TMEM161A: variants seen among roughly 807,000 people sequenced by gnomAD.
TMEM161A encodes adaptive response to oxidative stress protein 29.
In TMEM161A, 46 loss-of-function variants were observed where a neutral mutation model predicts 57.1. That is an observed-to-expected ratio of 0.81 (90% CI 0.64 to 1.03). The LOEUF (loss-of-function observed/expected upper bound fraction) is 1.03, where lower values mean the gene tolerates loss of function less well. Among genes scored for constraint, TMEM161A ranks in the 50% least tolerant of loss-of-function variants. TMEM161A has a pLI of 0.00. For synonymous variants in TMEM161A, 288 were observed against 279.0 expected, an observed-to-expected ratio of 1.03 and a Z score of -0.32; for missense variants, 601 against 621.5, an observed-to-expected ratio of 0.97 and a Z score of 0.35.
chr19:19,120,005 G>C lies in TMEM161A; in HGVS notation c.1365C>G (p.Ile455Met), dbSNP rs774354663. The C allele has an allele frequency of 1.1e-5, 18 of 1,593,348 alleles. No individual in the cohort carries two copies. The Admixed American group carries it at 1.9e-4, about 17-fold the overall frequency. Reference protein sequence around the residue: ...LFLRGVLAYLIWWTAACQLLA... With the variant: ...LFLRGVLAYLMWWTAACQLLA... ...GCAGCTGGCAGGCAGCCGTCCACCA[G>C]ATGAGGTAGGCCAGGACGCCACGGA... is the stretch of plus-strand genomic sequence containing the variant. The change falls in exon 12 of 12, where the codon ATC becomes ATG. Residue 455 changes from isoleucine to methionine, a missense_variant. Transcript: ENST00000162044.
intron 2 of TMEM161A, 59 bp from the exon 3 acceptor site, chr19:19,133,269 G>A: frequency 6.6e-7 from 1 of 1,508,426 alleles, no homozygotes; most frequent in African/African-American, 1.4e-5. Context: ...GGTTGAGGCA[G>A]TGAACCCCAA....
In TMEM161A at chr19:19,132,890, GGA is replaced by G. The variant is rs2059965616; in HGVS notation, c.189-138_189-137del. On this transcript the variant is annotated intron_variant, in intron 3 of 11. Transcript: ENST00000162044. This position sits in a 1 kb window ranked among gnomAD's most constrained non-coding sequence, Gnocchi z 4.3. ...GGCTCCTCTGCACACTGGGATATGG[GGA>G]TCCCCCCACCCACCCACAGGACTGG... 2.5e-6 allele frequency: 2 copies of G among 789,272 alleles called. No homozygotes were observed. Among genetic ancestry groups the G allele is most frequent in the South Asian group, 3.8e-5 (2 of 52,374 alleles). The allele number at this position is 789,272 out of a possible 1,614,324, so 48.9% of individuals were successfully genotyped here. A position where few individuals can be genotyped will look rare whatever the true frequency, so the allele number is the denominator to read the frequency against.
chr19:19,133,582 C>T (rs2059970183), intron 2 of TMEM161A, among the ~76,000 whole-genome samples: 1 of 152,172 alleles, frequency 6.6e-6, no homozygotes, highest in Admixed American at 6.5e-5. Flanking sequence ...AGTGATTCTC[C>T]TGCCTCAGCC....
chr19:19,120,613 G>C (rs554893305), intron 11 of TMEM161A, 152 bp downstream of exon 11: 2 of 705,210 alleles, frequency 2.8e-6, no homozygotes, highest in Non-Finnish European at 4.7e-6. Context: ...TCCAGGCTCC[G>C]CTTCCTGCTC....
At chr19:19,131,491 CACAT>C (rs917212542) in intron 5 of TMEM161A, among the ~76,000 whole-genome samples, 2 of 104,450 alleles carry the variant, frequency 1.9e-5, no homozygotes, top group African/African-American at 7.5e-5. Context: ...TACACACACA[CACAT>C]ATATATATAT....
chr19:19,130,268 G>C lies in TMEM161A; in HGVS notation c.483C>G (p.Ala161=). Residue 161 remains alanine (A), a synonymous_variant, in exon 6 of 12, where the codon GCC becomes GCG. Coordinates refer to ENST00000162044, the MANE Select transcript of TMEM161A (RefSeq NM_017814.3). ...FLTVTRLYFS[A]EEGGERSVCL... The stretch of plus-strand genomic sequence containing the variant: ...AGACAGAGCGCTCACCCCCCTCCTC[G>C]GCGCTGAAGTACAGCCGTGTCACTG... The C allele has an allele frequency of 6.2e-7, 1 of 1,613,710 alleles. No individual in the cohort carries two copies. The highest frequency in any genetic ancestry group is 8.5e-7 in the Non-Finnish European group (1 of 1,180,022).
At chr19:19,133,369 G>A (rs917814974) in intron 2 of TMEM161A, 159 bp from the exon 3 acceptor site, 3 of 648,142 alleles carry the variant, frequency 4.6e-6, no homozygotes, top group Non-Finnish European at 2.7e-6. Flanking sequence ...TGGGGAAATC[G>A]TGAGACCAAC....
At chr19:19,137,478 AG>A in intron 1 of TMEM161A, among the ~76,000 whole-genome samples, 1 of 152,208 alleles carries the variant, frequency 6.6e-6, no homozygotes, top group African/African-American at 2.4e-5. Context: ...GACATCTGCA[AG>A]AATTTTCTGG....
chr19:19,138,445 C>G lies in TMEM161A; in HGVS notation c.-17G>C. 3 of 1,600,732 alleles carry G rather than the reference C, an allele frequency of 1.9e-6. No individual in the cohort carries two copies. Among genetic ancestry groups the G allele is most frequent in the Non-Finnish European group, 2.6e-6 (3 of 1,173,954 alleles). ...GCTCACCATGACGCGTGCGAGAACGCGGTGCACTCACCCACCGGCCTAGGG... is the reference window on the plus strand; with the variant it reads ...GCTCACCATGACGCGTGCGAGAACGGGGTGCACTCACCCACCGGCCTAGGG... On this transcript the variant is annotated 5_prime_UTR_variant, in exon 1 of 12. Transcript: ENST00000162044.
Position 19,121,360 on chromosome 19 carries a change from T to C in TMEM161A, c.862A>G (p.Ile288Val), listed in dbSNP as rs533855724. 2 of 1,603,408 alleles carry C rather than the reference T, an allele frequency of 1.2e-6. No homozygotes were observed. Among genetic ancestry groups the C allele is most frequent in the African/African-American group, 1.3e-5 (1 of 74,524 alleles). ...LFILWLWTKP[I>V]ARDFLHQPPF... ...GGCTGGTGCAGGAAGTCCCGTGCAA[T>C]GGGCTTTGTCCAGAGCCACAGGATG... The change falls in exon 9 of 12, where the codon ATT becomes GTT. Residue 288 changes from isoleucine to valine, a missense_variant. By Grantham distance (29) the Ile-to-Val change is conservative. Coordinates refer to ENST00000162044, the MANE Select transcript of TMEM161A (RefSeq NM_017814.3). This position sits in a 1 kb window ranked among gnomAD's most constrained non-coding sequence, Gnocchi z 5.8.
chr19:19,136,675 A>G (rs1451005093), intron 1 of TMEM161A, among the ~76,000 whole-genome samples: 1 of 152,106 alleles, frequency 6.6e-6, no homozygotes, highest in East Asian at 1.9e-4. Context: ...TAATAATAAT[A>G]ATAAAATAAA....
Position 19,120,270 on chromosome 19 carries a change from C to T in TMEM161A, c.1187-87G>A, listed in dbSNP as rs920924554. ...GCTGGCACGGGGGGCCAGGCCCATT[C>T]CTCCAGACACTCCCACCCCTGTCTC... On this transcript the variant is annotated intron_variant, in intron 11 of 11. Coordinates refer to ENST00000162044, the MANE Select transcript of TMEM161A (RefSeq NM_017814.3). 4.0e-5 allele frequency: 45 copies of T among 1,135,830 alleles called. 1 individual carries two copies. In the South Asian group the frequency reaches 6.7e-4, roughly 17 times the overall value. 70.4% of individuals were successfully genotyped at this position (1,135,830 alleles called of 1,614,324 possible). A position where few individuals can be genotyped will look rare whatever the true frequency, so the allele number is the denominator to read the frequency against.
At chr19:19,126,884 A>G (rs1355871571) in intron 6 of TMEM161A, among the ~76,000 whole-genome samples, 1 of 151,900 alleles carries the variant, frequency 6.6e-6, no homozygotes, top group Non-Finnish European at 1.5e-5. Context: ...TAAAAATAAA[A>G]ATAAAAAAAT....
intron 2 of TMEM161A, 82 bp downstream of exon 2, chr19:19,134,702 T>G (rs3826994): frequency 0.18 from 190,494 of 1,043,664 alleles, 18,080 homozygotes; most frequent in East Asian, 0.33. Context: ...AATCAAGGCT[T>G]TGCAATTTGT....
intron 1 of TMEM161A, among the ~76,000 whole-genome samples, chr19:19,135,959 A>C (rs1599712521): frequency 6.7e-6 from 1 of 149,908 alleles, no homozygotes; most frequent in Non-Finnish European, 1.5e-5. Context: ...TGATCCTCCC[A>C]CCTCAACCTA....
chr19:19,132,659 A>G lies in TMEM161A; in HGVS notation c.284T>C (p.Leu95Pro). The G allele has an allele frequency of 6.4e-7, 1 of 1,567,382 alleles. No individual in the cohort carries two copies. The highest frequency in any genetic ancestry group is 8.7e-7 in the Non-Finnish European group (1 of 1,155,918). ...TAGGGATGGGACTGGGCTATTACCC[A>G]GGGCATCCACGGTCGTGAGGGGGCA... Reference protein sequence around the residue: ...ETCPLTTVDALVLRFFLEYQW... With the variant: ...ETCPLTTVDAPVLRFFLEYQW... The change falls in exon 4 of 12, where the codon CTG becomes CCG. Residue 95 changes from leucine to proline, a missense_variant and splice_region_variant. Physicochemically the swap from Leu to Pro is moderately conservative, Grantham distance 98 (BLOSUM62 -3). Coordinates refer to ENST00000162044, the MANE Select transcript of TMEM161A (RefSeq NM_017814.3). This position sits in a 1 kb window ranked among gnomAD's most constrained non-coding sequence, Gnocchi z 4.3.
intron 1 of TMEM161A, among the ~76,000 whole-genome samples, chr19:19,136,476 T>C (rs1052802106): frequency 9.9e-5 from 15 of 151,704 alleles, no homozygotes; most frequent in African/African-American, 3.6e-4. Flanking sequence ...GCCAACATGA[T>C]GAAACCTTGT....
chr19:19,130,285 G>T lies in TMEM161A; in HGVS notation c.466C>A (p.Arg156=). The T allele has an allele frequency of 6.2e-7, 1 of 1,613,496 alleles. No individual in the cohort carries two copies. The highest frequency in any genetic ancestry group is 1.1e-5 in the South Asian group (1 of 91,086). ...FSIKMFLTVT[R]LYFSAEEGGE... The stretch of plus-strand genomic sequence containing the variant: ...CCCTCCTCGGCGCTGAAGTACAGCC[G>T]TGTCACTGTCAGGAACATCTTGCTG... The change falls in exon 6 of 12, where the codon CGG becomes AGG. Residue 156 remains arginine, a synonymous_variant. Coordinates refer to ENST00000162044, the MANE Select transcript of TMEM161A (RefSeq NM_017814.3).
intron 6 of TMEM161A, among the ~76,000 whole-genome samples, chr19:19,122,342 G>A (rs951454335): frequency 1.3e-5 from 2 of 152,136 alleles, no homozygotes; most frequent in African/African-American, 2.4e-5. Flanking sequence ...TGATTGGGCT[G>A]GGAACATTCA....
Sources: allele counts gnomAD v4.1 joint callset (sites outside exome capture counted in the v4.1 genomes callset), GRCh38; gene constraint gnomAD v4.1.1; non-coding constraint Gnocchi (gnomAD v3.1); transcripts MANE v1.5; gene names NCBI Gene and HGNC (gene_info 2026-07-23, HGNC 2026-07-21).